The following BBOF1 variants were observed in gnomAD, a reference collection of about 807,000 sequenced individuals.
BBOF1 encodes the protein basal body orientation factor 1.
A neutral mutation model predicts 68.0 loss-of-function variants in BBOF1; 62 were observed. The ratio of observed to expected loss-of-function variants is 0.91; its 90% confidence interval spans 0.74 to 1.13. BBOF1 has a LOEUF of 1.13. BBOF1 is among the 50% of genes most tolerant of loss of function. The pLI is 0.00. For synonymous variants in BBOF1, 208 were observed against 198.8 expected, an observed-to-expected ratio of 1.05 and a Z score of -0.39; for missense variants, 534 against 600.1, an observed-to-expected ratio of 0.89 and a Z score of 1.15.
chr14:74,019,531 C>G lies in BBOF1; in HGVS notation c.53C>G (p.Thr18Arg). ...KKKGKSKGKD[T>R]KKLIKTDESV... Reference sequence around the variant, plus strand: ...AAAGGCAAGAGCAAAGGCAAAGACACGAAGTAAGGAGAAGCCACCCGAGAG... The same window carrying G: ...AAAGGCAAGAGCAAAGGCAAAGACAGGAAGTAAGGAGAAGCCACCCGAGAG... Residue 18 changes from threonine to arginine, a missense_variant, in exon 1 of 12, where the codon ACG becomes AGG. By Grantham distance (71) the Thr-to-Arg change is moderately conservative. Coordinates refer to ENST00000394009, the MANE Select transcript of BBOF1 (RefSeq NM_025057.3). 6.3e-7 allele frequency: 1 copy of G among 1,597,768 alleles called. No homozygotes were observed. The highest frequency in any genetic ancestry group is 8.5e-7 in the Non-Finnish European group (1 of 1,172,190).
intron 8 of BBOF1, 117 bp from the exon 9 acceptor site, chr14:74,055,467 T>C (rs1308512208): frequency 2.8e-6 from 2 of 715,874 alleles, no homozygotes; most frequent in Non-Finnish European, 4.7e-6. Context: ...TTTCATAATA[T>C]TCAATTATGG....
chr14:74,045,693 G>T (rs1367897734), intron 5 of BBOF1, among the ~76,000 whole-genome samples: 1 of 152,190 alleles, frequency 6.6e-6, no homozygotes, highest in Non-Finnish European at 1.5e-5. Context: ...AGATTAGGGT[G>T]GAGTAGAGGG....
intron 8 of BBOF1, among the ~76,000 whole-genome samples, chr14:74,050,583 C>CG (rs765455791): frequency 1.3e-4 from 20 of 152,080 alleles, no homozygotes; most frequent in Non-Finnish European, 2.4e-4. Context: ...TTTTTAAAGG[C>CG]AGGGTCTCAC....
chr14:74,035,562 C>T (rs906972802), intron 4 of BBOF1, among the ~76,000 whole-genome samples: 3 of 142,106 alleles, frequency 2.1e-5, no homozygotes, highest in Non-Finnish European at 3.0e-5. Flanking sequence ...GGATTACAGG[C>T]GTGCACCACC....
At chr14:74,034,281 C>G (rs985878102) in intron 4 of BBOF1, 110 bp downstream of exon 4, 4 of 685,452 alleles carry the variant, frequency 5.8e-6, no homozygotes, top group Non-Finnish European at 8.8e-6. Context: ...CTCTCTTTGA[C>G]ATTTTAGAAA....
Position 74,019,389 on chromosome 14 carries a change from A to G in BBOF1, c.-90A>G, listed in dbSNP as rs1318320057. On this transcript the variant is annotated 5_prime_UTR_variant, in exon 1 of 12. Coordinates refer to ENST00000394009, the MANE Select transcript of BBOF1 (RefSeq NM_025057.3). ...TCAGCGGCGCGGGTGGGGCATTGCC[A>G]GCTCGGCGTCCCGGTTCCCTTGGAG... 1 of 1,486,710 alleles carries G rather than the reference A, an allele frequency of 6.7e-7. No individual in the cohort carries two copies. The highest frequency in any genetic ancestry group is 9.0e-7 in the Non-Finnish European group (1 of 1,112,912). 92.1% of individuals were successfully genotyped at this position (1,486,710 alleles called of 1,614,324 possible).
At chr14:74,053,249 A>G (rs897478982) in intron 8 of BBOF1, among the ~76,000 whole-genome samples, 42 of 151,476 alleles carry the variant, frequency 2.8e-4, no homozygotes, top group Middle Eastern at 3.4e-3. Context: ...AGTAGCTGGG[A>G]TTACAGGTGC....
chr14:74,049,695 T>A lies in BBOF1; in HGVS notation c.793-7T>A. 1 of 1,581,586 alleles carries A rather than the reference T, an allele frequency of 6.3e-7. No individual in the cohort carries two copies. Among genetic ancestry groups the A allele is most frequent in the Non-Finnish European group, 8.6e-7 (1 of 1,167,022 alleles). ...AAAAAAATCACCTCTCATCTTTCTGTTTTTAGGAGATCAATGATCTGTTGG... is the reference window on the plus strand; with the variant it reads ...AAAAAAATCACCTCTCATCTTTCTGATTTTAGGAGATCAATGATCTGTTGG... On this transcript the variant is annotated splice_region_variant and splice_polypyrimidine_tract_variant and intron_variant, in intron 7 of 11. Transcript: ENST00000394009.
intron 11 of BBOF1, chr14:74,057,559 C>T (rs1192882832): frequency 7.5e-7 from 1 of 1,329,458 alleles, no homozygotes; most frequent in African/African-American, 1.5e-5. Flanking sequence ...AACATAGTGA[C>T]CTTGTGACTC....
downstream of BBOF1, chr14:74,067,631 T>C (rs753837621): frequency 6.4e-7 from 1 of 1,564,404 alleles, no homozygotes; most frequent in African/African-American, 1.4e-5. Context: ...AGCTAAGAAA[T>C]TAAGCAGTGG....
intron 10 of BBOF1, among the ~76,000 whole-genome samples, chr14:74,080,578 C>T (rs1280477412): frequency 3.9e-5 from 6 of 152,090 alleles, no homozygotes; most frequent in African/African-American, 7.2e-5. Flanking sequence ...CCTAGGAGTA[C>T]AGGCACATGC....
chr14:74,037,675 C>T (rs1566801053), intron 4 of BBOF1, among the ~76,000 whole-genome samples: 1 of 151,624 alleles, frequency 6.6e-6, no homozygotes, highest in Non-Finnish European at 1.5e-5. Context: ...AATTTTCGGC[C>T]AGGCATGGTG....
intron 8 of BBOF1, among the ~76,000 whole-genome samples, chr14:74,054,317 C>CT (rs940724010): frequency 1.2e-4 from 17 of 144,098 alleles, no homozygotes; most frequent in South Asian, 2.3e-4. Context: ...GCCTAAACAA[C>CT]TTTTTTTTTC....
At chr14:74,032,674 A>G (rs2059601548) in intron 3 of BBOF1, among the ~76,000 whole-genome samples, 2 of 149,904 alleles carry the variant, frequency 1.3e-5, no homozygotes, top group South Asian at 4.2e-4. Flanking sequence ...TTGTATTTTT[A>G]GTAGAAGTGG....
chr14:74,060,761 A>G, intron 11 of BBOF1: 1 of 1,563,448 alleles, frequency 6.4e-7, no homozygotes, highest in Non-Finnish European at 8.8e-7. Flanking sequence ...GGAAAACAGA[A>G]AAAAAGTTAG....
At chr14:74,027,056 A>T (rs1318061270) in intron 2 of BBOF1, among the ~76,000 whole-genome samples, 2 of 151,090 alleles carry the variant, frequency 1.3e-5, no homozygotes, top group Non-Finnish European at 2.9e-5. Context: ...AAACACATAC[A>T]TGAATAAATA....
At position 74,057,990 on chromosome 14, in the gene BBOF1, G is replaced by A. The variant is rs10150949; in HGVS notation, c.1578+732G>A. ...TTCCACTTGGAATATAGACAATAAT[G>A]ACCTTTTATTTAACCCAGCCTATAG... On this transcript the variant is annotated intron_variant, in intron 11 of 11. Coordinates refer to ENST00000394009, the MANE Select transcript of BBOF1 (RefSeq NM_025057.3). The A allele has an allele frequency of 1.7e-3, 1,354 of 809,176 alleles. 17 individuals are homozygous for A. In the African/African-American group the frequency reaches 0.024, roughly 14 times the overall value. The allele number at this position is 809,176 out of a possible 1,614,324, so 50.1% of individuals were successfully genotyped here.
chr14:74,034,597 C>T (rs2141003665), intron 4 of BBOF1, among the ~76,000 whole-genome samples: 1 of 152,328 alleles, frequency 6.6e-6, no homozygotes, highest in Non-Finnish European at 1.5e-5. Flanking sequence ...TGAGTACTTT[C>T]AGAAAATTTA....
Position 74,029,250 on chromosome 14 carries a change from G to A in BBOF1, c.351+1G>A. The A allele has an allele frequency of 6.5e-7, 1 of 1,546,434 alleles. No homozygotes were observed. The highest frequency in any genetic ancestry group is 8.8e-7 in the Non-Finnish European group (1 of 1,138,600). ...AGCCCAAGAGGAGAAGGATAAATTG[G>A]TGAGTTATCTATGTGTACTAATACT... On this transcript the variant is annotated splice_donor_variant, in intron 3 of 11. Transcript: ENST00000394009. LOFTEE classifies it high-confidence loss of function.
Sources: gnomAD v4.1 joint callset for allele counts (sites outside exome capture counted in the v4.1 genomes callset) on GRCh38, gnomAD v4.1.1 for gene constraint, MANE v1.5 for transcripts, NCBI Gene and HGNC (gene_info 2026-07-23, HGNC 2026-07-21) for gene names.